AHSG: variants seen among roughly 807,000 people sequenced by gnomAD.
The protein encoded by AHSG is alpha 2-HS glycoprotein, also known as alpha-2-HS-glycoprotein.
In AHSG, 23 loss-of-function variants were observed where a neutral mutation model predicts 30.1. The observed-to-expected ratio is 0.76, with a 90% CI of 0.55 to 1.08. The LOEUF (loss-of-function observed/expected upper bound fraction) is 1.08. Ranked by LOEUF, AHSG falls within the 50% of genes least tolerant of loss-of-function variation. The pLI is 0.00. For missense variants in AHSG, 469 were observed against 459.5 expected, an observed-to-expected ratio of 1.02 and a Z score of -0.19; for synonymous variants, 164 against 186.3, an observed-to-expected ratio of 0.88 and a Z score of 0.98.
At chr3:186,614,708 G>A (rs1255223479) in intron 1 of AHSG, among the ~76,000 whole-genome samples, 1 of 152,180 alleles carries the variant, frequency 6.6e-6, no homozygotes, top group East Asian at 1.9e-4. Context: ...AGGTGTACCC[G>A]GTTCCTGTTC....
chr3:186,618,410 C>A, intron 4 of AHSG, 126 bp from the exon 5 acceptor site: 1 of 1,460,442 alleles, frequency 6.8e-7, no homozygotes, highest in African/African-American at 1.4e-5. Flanking sequence ...AGGGACATGT[C>A]TTCTGGGCCG....
Position 186,613,088 on chromosome 3 carries a change from G to C in AHSG, c.-54G>C. On this transcript the variant is annotated 5_prime_UTR_variant, in exon 1 of 7. Transcript: ENST00000411641. Reference sequence around the variant, plus strand: ...CCTTTCCCAGCAGAGCACCTGGGTTGGTCCCGAAGCCTCCAACCACCTGCA... The same window carrying C: ...CCTTTCCCAGCAGAGCACCTGGGTTCGTCCCGAAGCCTCCAACCACCTGCA... 6.5e-7 allele frequency: 1 copy of C among 1,536,086 alleles called. No individual in the cohort carries two copies. Among genetic ancestry groups the C allele is most frequent in the Non-Finnish European group, 9.0e-7 (1 of 1,114,570 alleles).
intron 4 of AHSG, 61 bp from the exon 5 acceptor site, chr3:186,618,472 CCTT>C: frequency 2.5e-6 from 4 of 1,590,462 alleles, no homozygotes; most frequent in African/African-American, 1.3e-5. Flanking sequence ...TTCCCGCTCT[CCTT>C]CTCTGCCCTT....
intron 1 of AHSG, among the ~76,000 whole-genome samples, chr3:186,615,159 G>A (rs947188780): frequency 2.0e-5 from 3 of 151,646 alleles, no homozygotes; most frequent in Admixed American, 6.6e-5. Context: ...AACGGAGGAA[G>A]GAAGGAAAGC....
intron 4 of AHSG, chr3:186,617,961 G>A (rs535944961): frequency 5.6e-5 from 9 of 160,410 alleles, no homozygotes; most frequent in African/African-American, 1.9e-4. Flanking sequence ...ATCAGAATAT[G>A]TGATTCTCAG....
intron 6 of AHSG, 96 bp downstream of exon 6, chr3:186,620,036 C>A (rs570354531): frequency 3.4e-5 from 30 of 883,962 alleles, no homozygotes; most frequent in South Asian, 2.2e-4. Context: ...CATTTGCTCT[C>A]CTGTGCTTCT....
intron 4 of AHSG, among the ~76,000 whole-genome samples, chr3:186,618,237 A>G (rs1716369258): frequency 6.6e-6 from 1 of 152,128 alleles, no homozygotes. Context: ...TATCAGTCTA[A>G]TGCTGGCCTT....
chr3:186,615,593 G>A lies in AHSG; in HGVS notation c.214-92G>A, dbSNP rs1414039605. Reference sequence around the variant, plus strand: ...TTTCCCTCACCTCTCCAAAAGCGGGGTGCTCTCAAGCCCAATGAGGGCGCA... The same window carrying A: ...TTTCCCTCACCTCTCCAAAAGCGGGATGCTCTCAAGCCCAATGAGGGCGCA... On this transcript the variant is annotated intron_variant, in intron 1 of 6. Transcript: ENST00000411641. 1.1e-5 allele frequency: 10 copies of A among 948,894 alleles called. No homozygotes were observed. The Admixed American group carries it at 1.8e-4, about 17-fold the overall frequency. 58.8% of individuals were successfully genotyped at this position (948,894 alleles called of 1,614,324 possible).
chr3:186,615,704 T>C lies in AHSG; in HGVS notation c.233T>C (p.Phe78Ser). 6.2e-7 allele frequency: 1 copy of C among 1,614,160 alleles called. No individual in the cohort carries two copies. Among genetic ancestry groups the C allele is most frequent in the Non-Finnish European group, 8.5e-7 (1 of 1,179,996 alleles). Residue 78 changes from phenylalanine (F) to serine (S), a missense_variant, in exon 2 of 7, where the codon TTT (phenylalanine) becomes TCT (serine). Phe to Ser is a radical substitution (Grantham distance 155). Transcript: ENST00000411641. ...VWPQQPSGEL[F>S]EIEIDTLETT... Reference sequence around the variant, plus strand: ...CCACAGCAGCCCTCCGGAGAGCTGTTTGAGATTGAAATAGACACCCTGGAA... The same window carrying C: ...CCACAGCAGCCCTCCGGAGAGCTGTCTGAGATTGAAATAGACACCCTGGAA...
intron 2 of AHSG, 123 bp downstream of exon 2, chr3:186,615,918 G>A (rs1445820618): frequency 4.5e-5 from 37 of 817,918 alleles, no homozygotes; most frequent in East Asian, 1.1e-4. Context: ...ATTTGTGGCC[G>A]AGCGCAGTGG....
At chr3:186,620,003 G>A (rs1716429662) in intron 6 of AHSG, 63 bp downstream of exon 6, 1 of 1,287,156 alleles carries the variant, frequency 7.8e-7, no homozygotes, top group Non-Finnish European at 1.1e-6. Context: ...TCACATTTAT[G>A]CAGTGCAGTA....
chr3:186,618,022 T>C (rs2108502184), intron 4 of AHSG: 1 of 160,094 alleles, frequency 6.2e-6, no homozygotes, highest in East Asian at 1.8e-4. Context: ...ATTGTGTCCA[T>C]ATGCTCCAAC....
At chr3:186,618,189 C>T (rs964976561) in intron 4 of AHSG, among the ~76,000 whole-genome samples, 2 of 152,270 alleles carry the variant, frequency 1.3e-5, no homozygotes, top group African/African-American at 4.8e-5. Flanking sequence ...AAGTGCAGCC[C>T]AAGAGTGAGG....
At chr3:186,614,354 G>A (rs1323894795) in intron 1 of AHSG, among the ~76,000 whole-genome samples, 2 of 152,130 alleles carry the variant, frequency 1.3e-5, no homozygotes, top group East Asian at 1.9e-4. Context: ...AATATTGGCC[G>A]TTTTAATGGT....
rs564504551 is a variant in AHSG, at chr3:186,615,630, G to T, written c.214-55G>T. 172 of 1,456,286 alleles carry T rather than the reference G, an allele frequency of 1.2e-4. No individual in the cohort carries two copies. In the South Asian group the frequency reaches 1.9e-3, roughly 16 times the overall value. The allele number at this position is 1,456,286 out of a possible 1,614,324, so 90.2% of individuals were successfully genotyped here. On this transcript the variant is annotated intron_variant, in intron 1 of 6. Transcript: ENST00000411641. Reference sequence around the variant, plus strand: ...CCAATGAGGGCGCATACCGTGGACCGCACCACAGGATCAGGGGAATAGGTT... The same window carrying T: ...CCAATGAGGGCGCATACCGTGGACCTCACCACAGGATCAGGGGAATAGGTT...
At chr3:186,614,036 T>C (rs890726686) in intron 1 of AHSG, among the ~76,000 whole-genome samples, 10 of 152,136 alleles carry the variant, frequency 6.6e-5, no homozygotes, top group Admixed American at 5.9e-4. Context: ...CAAAGAGAGT[T>C]ACCCACATCC....
At chr3:186,617,033 G>A in intron 3 of AHSG, 154 bp from the exon 4 acceptor site, 1 of 1,472,580 alleles carries the variant, frequency 6.8e-7, no homozygotes, top group Non-Finnish European at 9.0e-7. Flanking sequence ...CTGCAGAAAT[G>A]TCAGCATAGC....
intron 1 of AHSG, among the ~76,000 whole-genome samples, chr3:186,614,122 T>C (rs983491948): frequency 6.6e-5 from 10 of 152,042 alleles, no homozygotes; most frequent in African/African-American, 1.9e-4. Flanking sequence ...TTGAAGCCAG[T>C]GACAAGAAAA....
intron 5 of AHSG, among the ~76,000 whole-genome samples, chr3:186,619,261 C>T (rs1376888010): frequency 6.6e-6 from 1 of 152,118 alleles, no homozygotes; most frequent in Non-Finnish European, 1.5e-5. Flanking sequence ...CGTGCCACTG[C>T]ACTCCAGCCT....
Sources: gnomAD v4.1 joint callset for allele counts (sites outside exome capture counted in the v4.1 genomes callset) on GRCh38, gnomAD v4.1.1 for gene constraint, MANE v1.5 for transcripts, NCBI Gene and HGNC (gene_info 2026-07-23, HGNC 2026-07-21) for gene names.